Variants in ARHGAP24 observed in about 807,000 individuals in gnomAD.
ARHGAP24 encodes Rho GTPase activating protein 24, also known as rho GTPase-activating protein 24.
Under a neutral mutation model 76.4 loss-of-function variants are expected in ARHGAP24, and 50 were observed. The observed-to-expected ratio is 0.65, with a 90% confidence interval of 0.52 to 0.83. The LOEUF (loss-of-function observed/expected upper bound fraction) is 0.83. ARHGAP24 is among the 40% of genes least tolerant of loss of function. The pLI, the probability that ARHGAP24 is intolerant of heterozygous loss-of-function variation, is 0.00. For missense variants in ARHGAP24, 930 were observed against 914.2 expected (o/e 1.02, Z -0.22); for synonymous variants, 345 against 323.3 (o/e 1.07, Z -0.72).
intron 2 of ARHGAP24, among the ~76,000 whole-genome samples, chr4:85,602,442 A>G: frequency 6.6e-6 from 1 of 152,328 alleles, no homozygotes; most frequent in South Asian, 2.1e-4. Flanking sequence ...GATTGGATAA[A>G]TCAATAAAGC....
intron 3 of ARHGAP24, among the ~76,000 whole-genome samples, chr4:85,743,363 C>T (rs2110061704): frequency 7.9e-6 from 1 of 127,250 alleles, no homozygotes; most frequent in South Asian, 2.7e-4. Flanking sequence ...AATCCCAGCA[C>T]TTTAAGACGC....
At chr4:85,832,960 T>A (rs1457486006) in intron 3 of ARHGAP24, among the ~76,000 whole-genome samples, 2 of 152,056 alleles carry the variant, frequency 1.3e-5, no homozygotes, top group Non-Finnish European at 2.9e-5. Flanking sequence ...TCTACCCCAG[T>A]GTTCTCTATG....
rs1578073959 is a variant in ARHGAP24 at position 85,608,564 on chromosome 4, T to G, written c.180+37843T>G. 2.2e-5 allele frequency among the ~76,000 whole-genome samples: 3 copies of G among 138,370 alleles called. No individual in the cohort carries two copies. In the South Asian group the frequency reaches 7.5e-4, roughly 34 times the overall value. 90.8% of individuals were successfully genotyped at this position (138,370 alleles called of 152,430 possible). ...TTTTGTTTGGTTGTTTTTTTTTTTT[T>G]TTTTTTTTTTTTGAGACAGAGACTT... On this transcript the variant is annotated intron_variant, in intron 2 of 9. Coordinates refer to ENST00000395184, the MANE Select transcript of ARHGAP24 (RefSeq NM_001025616.3).
intron 2 of ARHGAP24, among the ~76,000 whole-genome samples, chr4:85,627,219 CT>C (rs1362481195): frequency 6.6e-6 from 1 of 152,120 alleles, no homozygotes; most frequent in Non-Finnish European, 1.5e-5. Context: ...TACCTTTGGT[CT>C]TTGATGATGG....
chr4:85,662,545 T>G (rs377406186), intron 2 of ARHGAP24, among the ~76,000 whole-genome samples: 10 of 151,684 alleles, frequency 6.6e-5, no homozygotes, highest in East Asian at 1.9e-4. Context: ...GTCAATTTTG[T>G]CTTTTTTTGC....
intron 3 of ARHGAP24, among the ~76,000 whole-genome samples, chr4:85,875,788 C>T (rs1732896292): frequency 6.7e-6 from 1 of 149,002 alleles, no homozygotes; most frequent in Non-Finnish European, 1.5e-5. Flanking sequence ...GTTGTCCAGG[C>T]TGGAGTGCAG....
At chr4:85,973,794 A>G (rs1004113458) in intron 6 of ARHGAP24, among the ~76,000 whole-genome samples, 2 of 135,112 alleles carry the variant, frequency 1.5e-5, no homozygotes, top group Non-Finnish European at 3.1e-5. Context: ...TTCCCCCATT[A>G]GATTTTCTTG....
chr4:85,802,274 A>T (rs1728609698), intron 3 of ARHGAP24, among the ~76,000 whole-genome samples: 1 of 152,188 alleles, frequency 6.6e-6, no homozygotes, highest in Non-Finnish European at 1.5e-5. Flanking sequence ...TAATATTTAT[A>T]TGACCCACCT....
At chr4:85,601,134 G>T (rs527836044) in intron 2 of ARHGAP24, among the ~76,000 whole-genome samples, 1 of 151,726 alleles carries the variant, frequency 6.6e-6, no homozygotes, top group South Asian at 2.1e-4. Flanking sequence ...TTTTATTCAC[G>T]TCTATATTTT....
intron 3 of ARHGAP24, among the ~76,000 whole-genome samples, chr4:85,876,823 G>A (rs561208568): frequency 6.6e-6 from 1 of 152,044 alleles, no homozygotes; most frequent in Non-Finnish European, 1.5e-5. Context: ...TAATGCTCTT[G>A]TTTTACCACT....
intron 1 of ARHGAP24, among the ~76,000 whole-genome samples, chr4:85,517,153 A>C (rs1318241282): frequency 6.6e-6 from 1 of 152,136 alleles, no homozygotes; most frequent in Non-Finnish European, 1.5e-5. Context: ...TCAGTGGCTC[A>C]CTGTTTTAAA....
intron 2 of ARHGAP24, among the ~76,000 whole-genome samples, chr4:85,599,266 A>G (rs994558559): frequency 6.6e-6 from 1 of 152,178 alleles, no homozygotes; most frequent in Non-Finnish European, 1.5e-5. Flanking sequence ...ACTTCATTTC[A>G]TAAATGAGGA....
rs895315570 is a variant in ARHGAP24 at position 85,550,737 on chromosome 4, T to C, written c.-20-19785T>C. On this transcript the variant is annotated intron_variant, in intron 1 of 9. Transcript: ENST00000395184. ...TTTCTCATGTCTTTGAGTAGTGTTT[T>C]ATAATTCTTGTTATGGAGATCTTTC... Among the ~76,000 whole-genome samples, 3 of 152,230 alleles carry C rather than the reference T, an allele frequency of 2.0e-5. No homozygotes were observed. In the South Asian group the frequency reaches 6.2e-4, roughly 31 times the overall value.
At chr4:85,691,972 A>G (rs1560588078) in intron 2 of ARHGAP24, among the ~76,000 whole-genome samples, 3 of 152,100 alleles carry the variant, frequency 2.0e-5, no homozygotes, top group South Asian at 2.1e-4. Flanking sequence ...GTGTTGTTCT[A>G]TTGGTTCCAC....
At chr4:85,506,083 C>T (rs868219915) in intron 1 of ARHGAP24, among the ~76,000 whole-genome samples, 112 of 152,080 alleles carry the variant, frequency 7.4e-4, no homozygotes, top group African/African-American at 2.4e-3. Flanking sequence ...TGCAGAACAG[C>T]GAAGTCTGCT....
At position 85,613,269 on chromosome 4, in the gene ARHGAP24, G is replaced by A. The variant is rs930787538; in HGVS notation, c.180+42548G>A. The stretch of plus-strand genomic sequence containing the variant: ...TTTTGTAGTTTGCTTTCATCACTCA[G>A]CATTATATTTCTGAATTTTATCCAT... On this transcript the variant is annotated intron_variant, in intron 2 of 9. Transcript: ENST00000395184. Among the ~76,000 whole-genome samples, 4 of 152,026 alleles carry A rather than the reference G, an allele frequency of 2.6e-5. No homozygotes were observed. The East Asian group carries it at 5.8e-4, about 22-fold the overall frequency.
chr4:85,831,399 C>T (rs1729986362), intron 3 of ARHGAP24, among the ~76,000 whole-genome samples: 1 of 152,116 alleles, frequency 6.6e-6, no homozygotes, highest in Non-Finnish European at 1.5e-5. Flanking sequence ...AAGAACACTA[C>T]TCCAATATAT....
intron 1 of ARHGAP24, among the ~76,000 whole-genome samples, chr4:85,477,969 G>A (rs937652288): frequency 8.5e-5 from 13 of 152,154 alleles, no homozygotes; most frequent in African/African-American, 2.9e-4. Context: ...GCTATGTCAT[G>A]CTGATTCCTT....
intron 1 of ARHGAP24, among the ~76,000 whole-genome samples, chr4:85,535,522 A>G (rs560432321): frequency 7.7e-4 from 117 of 152,360 alleles, no homozygotes; most frequent in Middle Eastern, 6.8e-3. Context: ...GGTGATGAAT[A>G]AAACAAAGGA....
Sources: allele counts gnomAD v4.1 joint callset (sites outside exome capture counted in the v4.1 genomes callset), GRCh38; gene constraint gnomAD v4.1.1; transcripts MANE v1.5; gene names NCBI Gene and HGNC (gene_info 2026-07-23, HGNC 2026-07-21).